Variants in MOV10L1 observed in about 807,000 individuals in gnomAD.
The protein encoded by MOV10L1 is Mov10 like RNA helicase 1, also known as RNA helicase Mov10l1.
Under a neutral mutation model 143.8 loss-of-function variants are expected in MOV10L1, and 110 were observed. That is an observed-to-expected ratio of 0.76 (90% confidence interval 0.66 to 0.90). The LOEUF (loss-of-function observed/expected upper bound fraction) is 0.90. Among genes scored for constraint, MOV10L1 ranks in the 40% least tolerant of loss-of-function variants. The pLI, the probability that MOV10L1 is intolerant of heterozygous loss-of-function variation, is 0.00. For synonymous variants in MOV10L1, 593 were observed against 581.1 expected (o/e 1.02, Z -0.29); for missense variants, 1,406 against 1,526.8 (o/e 0.92, Z 1.32).
chr22:50,155,324 C>T (rs1348921215), intron 22 of MOV10L1, among the ~76,000 whole-genome samples: 2 of 150,632 alleles, frequency 1.3e-5, no homozygotes, highest in African/African-American at 4.9e-5. Context: ...GCAGTGGCGC[C>T]ATCTCGGCTC....
At chr22:50,123,677 G>A (rs955257383) in intron 10 of MOV10L1, among the ~76,000 whole-genome samples, 10 of 152,244 alleles carry the variant, frequency 6.6e-5, no homozygotes, top group Non-Finnish European at 1.2e-4. Context: ...ATAAGAATAA[G>A]TCAGAGAGTA....
At chr22:50,108,980 A>G (rs968380806) in intron 5 of MOV10L1, 136 bp downstream of exon 5, 5 of 768,496 alleles carry the variant, frequency 6.5e-6, no homozygotes, top group Non-Finnish European at 1.0e-5. Flanking sequence ...CTCTGTCTCT[A>G]CTAAAAGTAC....
At chr22:50,124,482 T>C (rs1464627168) in intron 10 of MOV10L1, among the ~76,000 whole-genome samples, 1 of 152,250 alleles carries the variant, frequency 6.6e-6, no homozygotes, top group Non-Finnish European at 1.5e-5. Context: ...CTTCCTGTTC[T>C]TGTGCTTGGG....
At chr22:50,142,987 C>T in intron 16 of MOV10L1, 56 bp from the exon 17 acceptor site, 1 of 1,539,276 alleles carries the variant, frequency 6.5e-7, no homozygotes, top group Non-Finnish European at 8.9e-7. Context: ...AGGACGTGTC[C>T]ACAGCTGTTG....
At chr22:50,112,181 G>A (rs1270580394) in intron 5 of MOV10L1, among the ~76,000 whole-genome samples, 2 of 152,236 alleles carry the variant, frequency 1.3e-5, no homozygotes, top group East Asian at 1.9e-4. Context: ...ACTGGACCAC[G>A]CTTTCCTTTG....
intron 19 of MOV10L1, among the ~76,000 whole-genome samples, chr22:50,149,036 A>G (rs941500218): frequency 2.0e-5 from 3 of 152,236 alleles, no homozygotes; most frequent in African/African-American, 7.2e-5. Flanking sequence ...CATGCAGGCC[A>G]GGCAGTGCCC....
intron 19 of MOV10L1, among the ~76,000 whole-genome samples, chr22:50,147,672 G>A (rs568207850): frequency 3.9e-5 from 6 of 152,200 alleles, no homozygotes; most frequent in Non-Finnish European, 7.4e-5. Context: ...GTGGGGAGGG[G>A]CACTTCAAAG....
At chr22:50,149,008 A>G (rs1387964934) in intron 19 of MOV10L1, among the ~76,000 whole-genome samples, 1 of 152,238 alleles carries the variant, frequency 6.6e-6, no homozygotes, top group Non-Finnish European at 1.5e-5. Context: ...AGTGGCTCCC[A>G]GGGCCTCAGC....
chr22:50,155,605 A>G (rs2063405674), intron 22 of MOV10L1, among the ~76,000 whole-genome samples: 1 of 152,076 alleles, frequency 6.6e-6, no homozygotes, highest in Admixed American at 6.5e-5. Flanking sequence ...ACTCCCAAGG[A>G]TCTGGGACCA....
rs1602318696 is a variant in MOV10L1, at chr22:50,144,403, C to T, written c.2505+160C>T. 3.9e-5 allele frequency among the ~76,000 whole-genome samples: 6 copies of T among 152,328 alleles called. 2 individuals carry two copies. Among genetic ancestry groups the T allele is most frequent in the Admixed American group, 3.9e-4 (6 of 15,306 alleles). On this transcript the variant is annotated intron_variant, in intron 18 of 26. Transcript: ENST00000262794. Reference sequence around the variant, plus strand: ...CTCTGCCATGGGCCCTCCCTCACCGCTAAATGGTGGAGCTTGATTGCTGAC... The same window carrying T: ...CTCTGCCATGGGCCCTCCCTCACCGTTAAATGGTGGAGCTTGATTGCTGAC...
At chr22:50,129,497 G>A (rs530999709) in intron 13 of MOV10L1, among the ~76,000 whole-genome samples, 1 of 152,326 alleles carries the variant, frequency 6.6e-6, no homozygotes, top group South Asian at 2.1e-4. Flanking sequence ...GTTTGCGGTT[G>A]TGTGAATACC....
At chr22:50,115,941 C>T (rs868340497) in intron 8 of MOV10L1, among the ~76,000 whole-genome samples, 3 of 152,176 alleles carry the variant, frequency 2.0e-5, no homozygotes, top group Admixed American at 6.5e-5. Flanking sequence ...GGATGCCAGA[C>T]GCCAACCTTG....
At chr22:50,149,992 G>C (rs1361538997) in intron 20 of MOV10L1, among the ~76,000 whole-genome samples, 2 of 152,240 alleles carry the variant, frequency 1.3e-5, no homozygotes, top group African/African-American at 4.8e-5. Context: ...TGCTCTGGGT[G>C]AGCCGGCCGT....
chr22:50,132,692 C>T (rs9617097), intron 13 of MOV10L1, among the ~76,000 whole-genome samples: 32,587 of 152,114 alleles, frequency 0.21, 3,869 homozygotes, highest in Admixed American at 0.35. Flanking sequence ...CCAGTAGCTT[C>T]TCCTAGAGTC....
intron 19 of MOV10L1, chr22:50,146,843 G>A (rs2063166158): frequency 1.9e-6 from 1 of 520,032 alleles, no homozygotes. Context: ...CTTTCATCAT[G>A]AGATTAGTAG....
intron 17 of MOV10L1, among the ~76,000 whole-genome samples, chr22:50,143,849 ACT>A (rs3042028): frequency 0.23 from 34,547 of 152,096 alleles, 4,284 homozygotes; most frequent in Admixed American, 0.36. Context: ...GATGAATCTG[ACT>A]CTGTTTCTGC....
At chr22:50,103,323 G>A (rs1414674735) in intron 3 of MOV10L1, among the ~76,000 whole-genome samples, 3 of 152,212 alleles carry the variant, frequency 2.0e-5, no homozygotes, top group Non-Finnish European at 4.4e-5. Flanking sequence ...AACATCAGTG[G>A]TGGGGCTCAG....
Position 50,133,795 on chromosome 22 carries a change from C to T in MOV10L1, c.1911-212C>T, listed in dbSNP as rs111384205. Among the ~76,000 whole-genome samples, 58 of 152,208 alleles carry T rather than the reference C, an allele frequency of 3.8e-4. 1 individual carries two copies. Among genetic ancestry groups the T allele is most frequent in the African/African-American group, 1.3e-3 (55 of 41,534 alleles). ...CTGACCTCAGGTGATCCACCCACCTCGGCCTCCCAAAGTGCTGGGATTACA... is the reference window on the plus strand; with the variant it reads ...CTGACCTCAGGTGATCCACCCACCTTGGCCTCCCAAAGTGCTGGGATTACA... On this transcript the variant is annotated intron_variant, in intron 13 of 26. Transcript: ENST00000262794.
At chr22:50,121,793 G>C (rs971466938) in intron 10 of MOV10L1, among the ~76,000 whole-genome samples, 7 of 152,158 alleles carry the variant, frequency 4.6e-5, no homozygotes, top group African/African-American at 1.7e-4. Context: ...CCTTCCACAG[G>C]CCACCGACTT....
Sources: allele counts gnomAD v4.1 joint callset (sites outside exome capture counted in the v4.1 genomes callset), GRCh38; gene constraint gnomAD v4.1.1; transcripts MANE v1.5; gene names NCBI Gene and HGNC (gene_info 2026-07-23, HGNC 2026-07-21).